EFCAB14: variants seen among roughly 807,000 people sequenced by gnomAD.
The protein encoded by EFCAB14 is EF-hand calcium binding domain 14, also known as EF-hand calcium-binding domain-containing protein 14.
Under a neutral mutation model 56.5 loss-of-function variants are expected in EFCAB14, and 43 were observed. The ratio of observed to expected loss-of-function variants is 0.76; its 90% CI spans 0.60 to 0.98. EFCAB14 has a LOEUF of 0.98. EFCAB14 is among the 50% of genes least tolerant of loss of function. The probability of loss-of-function intolerance (pLI) is 0.00; values close to 1 mark genes in which losing one functional copy is unlikely to be tolerated. For missense variants in EFCAB14, 538 were observed against 580.3 expected, an observed-to-expected ratio of 0.93 and a Z score of 0.75; for synonymous variants, 235 against 212.9, an observed-to-expected ratio of 1.10 and a Z score of -0.90.
At chr1:46,702,508 A>G (rs1458238509) in intron 3 of EFCAB14, among the ~76,000 whole-genome samples, 1 of 152,014 alleles carries the variant, frequency 6.6e-6, no homozygotes, top group Non-Finnish European at 1.5e-5. Flanking sequence ...GTGACTGTGG[A>G]CAAGCTACTT....
intron 4 of EFCAB14, 26 bp downstream of exon 4, chr1:46,696,521 GAAGT>G (rs1677079455): frequency 6.3e-7 from 1 of 1,594,692 alleles, no homozygotes; most frequent in Non-Finnish European, 8.6e-7. Context: ...CCTACCTTCT[GAAGT>G]CTCTGTACCC....
chr1:46,717,800 C>T (rs931424466), intron 1 of EFCAB14, 103 bp downstream of exon 1: 6 of 1,289,908 alleles, frequency 4.7e-6, no homozygotes, highest in Non-Finnish European at 6.4e-6. Flanking sequence ...AGGCCTACAC[C>T]CTTTTTTCTT....
intron 10 of EFCAB14, among the ~76,000 whole-genome samples, chr1:46,681,933 C>T (rs181138324): frequency 5.0e-4 from 75 of 151,442 alleles, no homozygotes; most frequent in African/African-American, 1.7e-3. Context: ...TCCCATTAAA[C>T]ACAACACTTC....
Position 46,678,356 on chromosome 1 carries a change from C to T in EFCAB14, c.*105G>A. 2.0e-5 allele frequency: 25 copies of T among 1,233,822 alleles called. No homozygotes were observed. The highest frequency in any genetic ancestry group is 2.9e-5 in the Non-Finnish European group (25 of 876,630). The allele number at this position is 1,233,822 out of a possible 1,614,324, so 76.4% of individuals were successfully genotyped here. On this transcript the variant is annotated 3_prime_UTR_variant, in exon 11 of 11. Transcript: ENST00000371933. The stretch of plus-strand genomic sequence containing the variant: ...AAGTTAAAAGGTGGCAAAGTATCTG[C>T]TACAGTAGTTTGGAGGACTAGAGGA...
At chr1:46,709,579 C>T (rs1364430095) in intron 2 of EFCAB14, among the ~76,000 whole-genome samples, 2 of 152,200 alleles carry the variant, frequency 1.3e-5, no homozygotes, top group African/African-American at 4.8e-5. Context: ...GCATTTCCAG[C>T]AGCCAGCACA....
intron 8 of EFCAB14, among the ~76,000 whole-genome samples, chr1:46,686,189 T>C (rs777241362): frequency 6.6e-6 from 1 of 152,202 alleles, no homozygotes; most frequent in Non-Finnish European, 1.5e-5. Flanking sequence ...AAGCATATCA[T>C]AGATTGCTGT....
chr1:46,712,949 G>C (rs1032826853), intron 2 of EFCAB14, among the ~76,000 whole-genome samples: 12 of 152,072 alleles, frequency 7.9e-5, no homozygotes, highest in African/African-American at 2.7e-4. Context: ...GGGAGTTAGA[G>C]GTTGCAGTGA....
At chr1:46,693,506 G>A (rs1307064286) in intron 4 of EFCAB14, among the ~76,000 whole-genome samples, 1 of 152,148 alleles carries the variant, frequency 6.6e-6, no homozygotes, top group Admixed American at 6.5e-5. Context: ...AACACACTGG[G>A]TAAAAGTATC....
At position 46,688,580 on chromosome 1, in the gene EFCAB14, A is replaced by G. The variant is rs766163564; in HGVS notation, c.796-36T>C. The G allele has an allele frequency of 1.8e-5, 29 of 1,581,998 alleles. No individual in the cohort carries two copies. In the East Asian group the frequency reaches 2.9e-4, roughly 16 times the overall value. On this transcript the variant is annotated intron_variant, in intron 6 of 10. Transcript: ENST00000371933. ...AATAAATAAAGTTATGGAATCCACT[A>G]AAGACGTAAATTAGACAAGCAGGCC...
intron 3 of EFCAB14, among the ~76,000 whole-genome samples, chr1:46,705,840 C>T (rs575158189): frequency 6.6e-6 from 1 of 151,434 alleles, no homozygotes; most frequent in South Asian, 2.1e-4. Context: ...TTTTTGTGGC[C>T]AGAAATGTGC....
chr1:46,692,871 C>T (rs1677020889), intron 4 of EFCAB14, among the ~76,000 whole-genome samples: 1 of 151,982 alleles, frequency 6.6e-6, no homozygotes, highest in Admixed American at 6.5e-5. Flanking sequence ...AGAGGAAAAC[C>T]AAATCTTCCC....
chr1:46,718,184 T>TG lies in EFCAB14; in HGVS notation c.-98dup. On this transcript the variant is annotated 5_prime_UTR_variant, in exon 1 of 11. Transcript: ENST00000371933. ...CTGCCTTGGAGCTGCCTTCCAGGGT[T>TG]GGGAATCCTGGGCCAGAGCCCCCTG... 2 of 1,336,296 alleles carry TG rather than the reference T, an allele frequency of 1.5e-6. No individual in the cohort carries two copies. Among genetic ancestry groups the TG allele is most frequent in the Non-Finnish European group, 2.1e-6 (2 of 969,458 alleles). The allele number at this position is 1,336,296 out of a possible 1,614,324, so 82.8% of individuals were successfully genotyped here.
chr1:46,696,784 A>T, intron 3 of EFCAB14, 135 bp from the exon 4 acceptor site: 1 of 747,182 alleles, frequency 1.3e-6, no homozygotes, highest in South Asian at 1.7e-5. Context: ...GTCAGCTCAC[A>T]GAAGTAAAGG....
intron 10 of EFCAB14, 132 bp from the exon 11 acceptor site, chr1:46,678,768 T>A: frequency 1.3e-6 from 1 of 764,410 alleles, no homozygotes; most frequent in Non-Finnish European, 2.0e-6. Context: ...ATGGTAAAGT[T>A]TAGGATTTCA....
intron 5 of EFCAB14, 52 bp from the exon 6 acceptor site, chr1:46,689,743 C>T (rs757525868): frequency 9.5e-6 from 14 of 1,480,040 alleles, no homozygotes; most frequent in Non-Finnish European, 1.2e-5. Context: ...ATTAGGTCTA[C>T]TTAACTATCT....
Position 46,689,687 on chromosome 1 carries a change from T to C in EFCAB14, c.695A>G (p.Gln232Arg). 6.2e-7 allele frequency: 1 copy of C among 1,613,696 alleles called. No individual in the cohort carries two copies. Among genetic ancestry groups the C allele is most frequent in the Non-Finnish European group, 8.5e-7 (1 of 1,179,654 alleles). ...TMELLQSDMN[Q>R]HFLKETPGSN... ...TCCAGGAGTCTCCTTCAAGAAGTGCTGATTCTGTTAAGAGGAAAGAAGTTT... is the reference window on the plus strand; with the variant it reads ...TCCAGGAGTCTCCTTCAAGAAGTGCCGATTCTGTTAAGAGGAAAGAAGTTT... The change falls in exon 6 of 11, where the codon CAG (glutamine) becomes CGG (arginine). Residue 232 changes from glutamine to arginine, a missense_variant. Physicochemically the swap from Gln to Arg is conservative, Grantham distance 43 (BLOSUM62 1). Coordinates refer to ENST00000371933, the MANE Select transcript of EFCAB14 (RefSeq NM_014774.3).
At chr1:46,694,556 G>A (rs1196129711) in intron 4 of EFCAB14, among the ~76,000 whole-genome samples, 1 of 152,136 alleles carries the variant, frequency 6.6e-6, no homozygotes, top group Non-Finnish European at 1.5e-5. Flanking sequence ...TTAGAATGGT[G>A]ATCATTAAAA....
In EFCAB14 at chr1:46,718,054, C is replaced by A; in HGVS notation, c.34G>T (p.Gly12Cys). The A allele has an allele frequency of 6.2e-7, 1 of 1,614,190 alleles. No homozygotes were observed. Among genetic ancestry groups the A allele is most frequent in the South Asian group, 1.1e-5 (1 of 91,080 alleles). Residue 12 changes from glycine to cysteine, a missense_variant, in exon 1 of 11, where the codon GGT (glycine) becomes TGT (cysteine). By Grantham distance (159) the Gly-to-Cys change is radical. Transcript: ENST00000371933. ...TTTCTCCGGCTGTCCCCAGCCAAAC[C>A]AATCAATGCATTGAGCTCTTTGCGC... ...KKRKELNALIGLAGDSRRKKP... is the reference protein window; with the variant it reads ...KKRKELNALICLAGDSRRKKP...
At position 46,691,851 on chromosome 1, in the gene EFCAB14, C is replaced by A. The variant is rs781026067; in HGVS notation, c.666G>T (p.Thr222=). Residue 222 remains threonine (T), a synonymous_variant, in exon 5 of 11, where the codon ACG becomes ACT. Transcript: ENST00000371933. ...CCATATCACTCTGCAGTAATTCCAT[C>A]GTTTTCTTGTGTTCATCCACAGTTT... is the stretch of plus-strand genomic sequence containing the variant. ...LQKTVDEHKK[T]MELLQSDMNQ... is the part of the protein sequence containing the mutation. 1 of 1,613,268 alleles carries A rather than the reference C, an allele frequency of 6.2e-7. No homozygotes were observed. Among genetic ancestry groups the A allele is most frequent in the Non-Finnish European group, 8.5e-7 (1 of 1,179,548 alleles).
Sources: gnomAD v4.1 joint callset for allele counts (sites outside exome capture counted in the v4.1 genomes callset) on GRCh38, gnomAD v4.1.1 for gene constraint, MANE v1.5 for transcripts, NCBI Gene and HGNC (gene_info 2026-07-23, HGNC 2026-07-21) for gene names.